The following ZFHX3 variants were observed in gnomAD, a reference collection of about 807,000 sequenced individuals.
ZFHX3 encodes zinc finger homeobox 3.
In ZFHX3, 42 loss-of-function variants were observed where a neutral mutation model predicts 279.1. The observed-to-expected ratio is 0.15, with a 90% CI of 0.12 to 0.19. ZFHX3 has a LOEUF of 0.19. Ranked by LOEUF, ZFHX3 falls within the 10% of genes least tolerant of loss-of-function variation. The pLI is 1.00. For synonymous variants in ZFHX3, 2,293 were observed against 1,957.8 expected (o/e 1.17, Z -4.52); for missense variants, 4,981 against 4,754.0 (o/e 1.05, Z -1.40).
At chr16:73,106,517 T>C (rs1966306890) in intron 7 of ZFHX3, among the ~76,000 whole-genome samples, 2 of 152,150 alleles carry the variant, frequency 1.3e-5, no homozygotes, top group South Asian at 4.1e-4. Flanking sequence ...TTCTATCTGA[T>C]ATCATCCCTT....
At chr16:73,884,360 T>C (rs1220119431) in intron 1 of ZFHX3, among the ~76,000 whole-genome samples, 1 of 152,168 alleles carries the variant, frequency 6.6e-6, no homozygotes, top group African/African-American at 2.4e-5. Context: ...CAAATTATTA[T>C]CCATGGACTA....
chr16:73,770,615 A>G (rs2054006735), intron 1 of ZFHX3, among the ~76,000 whole-genome samples: 1 of 152,252 alleles, frequency 6.6e-6, no homozygotes, highest in Non-Finnish European at 1.5e-5. Context: ...AACCAAAATA[A>G]ACAAGAAAAT....
chr16:73,357,059 C>T (rs1029935798), intron 3 of ZFHX3, among the ~76,000 whole-genome samples: 2 of 151,916 alleles, frequency 1.3e-5, no homozygotes, highest in African/African-American at 2.4e-5. Context: ...AGATAATACA[C>T]ATTTTATGGA....
chr16:73,269,592 G>A (rs1251244528), intron 4 of ZFHX3, among the ~76,000 whole-genome samples: 1 of 152,070 alleles, frequency 6.6e-6, no homozygotes, highest in Non-Finnish European at 1.5e-5. Context: ...CCAACTTTTA[G>A]TTATTATTAA....
intron 3 of ZFHX3, among the ~76,000 whole-genome samples, chr16:73,453,924 C>A (rs1345738428): frequency 6.6e-6 from 1 of 152,134 alleles, no homozygotes; most frequent in Non-Finnish European, 1.5e-5. Flanking sequence ...CCCACCAGGT[C>A]CCTCCCACAA....
At chr16:73,733,742 C>T (rs1296725263) in intron 1 of ZFHX3, among the ~76,000 whole-genome samples, 1 of 151,994 alleles carries the variant, frequency 6.6e-6, no homozygotes, top group Non-Finnish European at 1.5e-5. Context: ...AAGTCCTCAA[C>T]AAATGAATAC....
chr16:73,179,652 A>G (rs571534240), intron 5 of ZFHX3, among the ~76,000 whole-genome samples: 3 of 152,098 alleles, frequency 2.0e-5, no homozygotes, highest in South Asian at 4.2e-4. Context: ...CTCAACTCAG[A>G]GACACTAAAT....
At chr16:73,085,305 G>A (rs979474048) in intron 8 of ZFHX3, among the ~76,000 whole-genome samples, 6 of 151,928 alleles carry the variant, frequency 3.9e-5, no homozygotes, top group South Asian at 2.1e-4. Flanking sequence ...CTTGTTGCCC[G>A]GGCTGGAGTG....
chr16:72,823,038 G>A (rs907930415), intron 5 of ZFHX3, among the ~76,000 whole-genome samples: 4 of 152,014 alleles, frequency 2.6e-5, no homozygotes, highest in Non-Finnish European at 4.4e-5. Flanking sequence ...ACAGAATTCC[G>A]CCTGCAGTGA....
At chr16:72,860,671 C>T (rs1301777856) in intron 4 of ZFHX3, among the ~76,000 whole-genome samples, 2 of 152,148 alleles carry the variant, frequency 1.3e-5, no homozygotes, top group East Asian at 3.9e-4. Context: ...CTTAAGTGAT[C>T]CACCCGTCTC....
At chr16:73,468,695 C>A (rs1054444801) in intron 2 of ZFHX3, among the ~76,000 whole-genome samples, 1 of 152,052 alleles carries the variant, frequency 6.6e-6, no homozygotes, top group South Asian at 2.1e-4. Flanking sequence ...CGAGATTGCA[C>A]CACTGCACAA....
chr16:73,425,613 T>C (rs1020602096), intron 3 of ZFHX3, among the ~76,000 whole-genome samples: 2 of 152,030 alleles, frequency 1.3e-5, no homozygotes, highest in Non-Finnish European at 2.9e-5. Flanking sequence ...AGTCAGGGCA[T>C]TGCAGGAAGA....
chr16:73,479,787 C>T (rs1736998711), intron 2 of ZFHX3, among the ~76,000 whole-genome samples: 1 of 152,204 alleles, frequency 6.6e-6, no homozygotes, highest in African/African-American at 2.4e-5. Context: ...CCTGATTGGC[C>T]TGTAAAGGTA....
At position 72,784,022 on chromosome 16, in the gene ZFHX3, T is replaced by C. The variant is rs968099007; in HGVS notation, c.*3142A>G. On this transcript the variant is annotated 3_prime_UTR_variant, in exon 10 of 10. Coordinates refer to ENST00000268489, the MANE Select transcript of ZFHX3 (RefSeq NM_006885.4). ...TGAGAATTATTCTTACTTTTTTCAA[T>C]GAACATATATGTGGGCGGTTTAGTT... 5.9e-5 allele frequency: 9 copies of C among 152,424 alleles called. No homozygotes were observed. Among genetic ancestry groups the C allele is most frequent in the African/African-American group, 1.9e-4 (8 of 41,538 alleles). 9.4% of individuals were successfully genotyped at this position (152,424 alleles called of 1,614,324 possible).
Position 73,314,203 on chromosome 16 carries a change from C to T in ZFHX3, c.-1194+4037G>A, listed in dbSNP as rs2015392937. Reference sequence around the variant, plus strand: ...CTGAATAGAATAGAAAGATAGGCCTCCCTGAGCAAGAGGAAATTTTTTAGC... The same window carrying T: ...CTGAATAGAATAGAAAGATAGGCCTTCCTGAGCAAGAGGAAATTTTTTAGC... On this transcript the variant is annotated intron_variant, in intron 4 of 17. Transcript: ENST00000641206. 1.3e-5 allele frequency among the ~76,000 whole-genome samples: 2 copies of T among 152,174 alleles called. 1 individual carries two copies. Among genetic ancestry groups the T allele is most frequent in the South Asian group, 4.1e-4 (2 of 4,822 alleles).
At chr16:73,860,741 C>T (rs1325241899) in intron 1 of ZFHX3, among the ~76,000 whole-genome samples, 2 of 152,084 alleles carry the variant, frequency 1.3e-5, no homozygotes, top group Non-Finnish European at 2.9e-5. Context: ...AAAGTTCAGG[C>T]CTTCTCCGTG....
intron 7 of ZFHX3, among the ~76,000 whole-genome samples, chr16:73,106,292 T>C (rs1966303900): frequency 6.6e-6 from 1 of 152,116 alleles, no homozygotes; most frequent in Admixed American, 6.6e-5. Context: ...TTTAACATTC[T>C]TTTATTATTT....
At chr16:73,881,453 A>ACACT (rs1567438856) in intron 1 of ZFHX3, among the ~76,000 whole-genome samples, 2 of 39,056 alleles carry the variant, frequency 5.1e-5, no homozygotes, top group Non-Finnish European at 5.3e-5. Context: ...ACACACACAC[A>ACACT]CTCTCTCTCT....
intron 4 of ZFHX3, among the ~76,000 whole-genome samples, chr16:73,289,940 A>G (rs2143094384): frequency 1.3e-5 from 2 of 152,166 alleles, no homozygotes; most frequent in Middle Eastern, 6.8e-3. Context: ...TGCTGAGGAA[A>G]GGTGGTTTCT....
Sources: allele counts gnomAD v4.1 joint callset (sites outside exome capture counted in the v4.1 genomes callset), GRCh38; gene constraint gnomAD v4.1.1; transcripts MANE v1.5; gene names NCBI Gene and HGNC (gene_info 2026-07-23, HGNC 2026-07-21).